Variants in CHN1 observed in about 807,000 individuals in gnomAD.
The protein encoded by CHN1 is N-chimaerin.
CHN1 carries 37 observed loss-of-function variants against 59.5 expected under a neutral mutation model. That is an observed-to-expected ratio of 0.62 (90% CI 0.48 to 0.82). The LOEUF is 0.82. Ranked by LOEUF, CHN1 falls within the 40% of genes least tolerant of loss-of-function variation. The probability of loss-of-function intolerance (pLI) is 0.00; values close to 1 mark genes in which losing one functional copy is unlikely to be tolerated. For missense variants in CHN1, 469 were observed against 571.0 expected (o/e 0.82, Z 1.82); for synonymous variants, 206 against 200.4 (o/e 1.03, Z -0.24).
intron 5 of CHN1, among the ~76,000 whole-genome samples, chr2:174,888,743 TG>T (rs1195246030): frequency 6.6e-6 from 1 of 152,032 alleles, no homozygotes; most frequent in African/African-American, 2.4e-5. Context: ...GGGAGAGCAG[TG>T]GGGAGAAGAG....
At chr2:174,865,087 A>G (rs986058217) in intron 6 of CHN1, among the ~76,000 whole-genome samples, 4 of 152,192 alleles carry the variant, frequency 2.6e-5, no homozygotes, top group Non-Finnish European at 5.9e-5. Context: ...CACTTTAAGA[A>G]AGGATATTTT....
At chr2:174,952,882 G>C (rs1690066626) in intron 1 of CHN1, among the ~76,000 whole-genome samples, 1 of 152,166 alleles carries the variant, frequency 6.6e-6, no homozygotes, top group African/African-American at 2.4e-5. Context: ...ATAGGAAGTG[G>C]AAAGAGATGG....
At chr2:174,907,114 G>A (rs1688565799) in intron 5 of CHN1, among the ~76,000 whole-genome samples, 1 of 152,156 alleles carries the variant, frequency 6.6e-6, no homozygotes, top group African/African-American at 2.4e-5. Flanking sequence ...AACACGGGAA[G>A]ACATTAATCA....
chr2:174,824,577 G>T, intron 7 of CHN1, 59 bp from the exon 8 acceptor site: 1 of 1,003,754 alleles, frequency 1.0e-6, no homozygotes, highest in Non-Finnish European at 1.5e-6. Flanking sequence ...TGAGAAGACT[G>T]CTTCATATCA....
Position 174,897,930 on chromosome 2 carries a change from C to T in CHN1, c.260+17128G>A, listed in dbSNP as rs1043595227. Among the ~76,000 whole-genome samples, 6 of 152,242 alleles carry T rather than the reference C, an allele frequency of 3.9e-5. No individual in the cohort carries two copies. The South Asian group carries it at 6.2e-4, about 16-fold the overall frequency. Reference sequence around the variant, plus strand: ...TCTGACAGAAATCTTTTATTTCTGCCGCAGAGACTGCTGACAGCCTCCCAA... The same window carrying T: ...TCTGACAGAAATCTTTTATTTCTGCTGCAGAGACTGCTGACAGCCTCCCAA... On this transcript the variant is annotated intron_variant, in intron 5 of 12. Transcript: ENST00000409900.
rs139450484 is a variant in CHN1 at position 174,933,239 on chromosome 2, A to G, written c.114+11649T>C. Among the ~76,000 whole-genome samples, 4 of 152,328 alleles carry G rather than the reference A, an allele frequency of 2.6e-5. No individual in the cohort carries two copies. The South Asian group carries it at 8.3e-4, about 32-fold the overall frequency. On this transcript the variant is annotated intron_variant, in intron 3 of 12. Coordinates refer to ENST00000409900, the MANE Select transcript of CHN1 (RefSeq NM_001822.7). ...AAGGACTGGACATATAAAGAAATGT[A>G]AGTTACATTAAAACCTGAAACTGGT...
At chr2:174,911,357 T>C (rs1475214299) in intron 5 of CHN1, among the ~76,000 whole-genome samples, 9 of 152,208 alleles carry the variant, frequency 5.9e-5, no homozygotes, top group Non-Finnish European at 7.3e-5. Flanking sequence ...AAAATCAGCA[T>C]ACAGAAAATC....
chr2:174,985,660 AGT>A (rs1691314688), intron 1 of CHN1, among the ~76,000 whole-genome samples: 1 of 152,180 alleles, frequency 6.6e-6, no homozygotes, highest in Non-Finnish European at 1.5e-5. Context: ...TACAGATCCC[AGT>A]GTGTTTTACG....
At position 174,918,558 on chromosome 2, in the gene CHN1, T is replaced by C. The variant is rs1487932448; in HGVS notation, c.122A>G (p.Asn41Ser). ...RRITCTCEVE[N>S]RPKYYGREFH... ...CTCTCTTCCATAATACTTTGGTCTG[T>C]TTTCCACCTATTGGGAAAGCAAAAA... Residue 41 changes from asparagine (N) to serine (S), a missense_variant, in exon 4 of 13, where the codon AAC becomes AGC. Asn to Ser is a conservative substitution (Grantham distance 46, BLOSUM62 1). Around this residue, in one of 5 missense-constraint regions of CHN1, gnomAD observed 152 missense variants for 166.1 expected, o/e 0.92. Transcript: ENST00000409900. 6.3e-7 allele frequency: 1 copy of C among 1,592,000 alleles called. No homozygotes were observed. The highest frequency in any genetic ancestry group is 1.3e-5 in the African/African-American group (1 of 74,450).
chr2:174,972,774 T>C (rs376545309), intron 1 of CHN1, among the ~76,000 whole-genome samples: 2 of 152,162 alleles, frequency 1.3e-5, no homozygotes, highest in African/African-American at 4.8e-5. Flanking sequence ...TACATAACCT[T>C]ATCAGAGAGA....
intron 7 of CHN1, among the ~76,000 whole-genome samples, chr2:174,833,834 C>T (rs1685970550): frequency 6.7e-6 from 1 of 149,250 alleles, no homozygotes; most frequent in Non-Finnish European, 1.5e-5. Flanking sequence ...CTCTGTCACC[C>T]AGGTTGGAGT....
intron 1 of CHN1, among the ~76,000 whole-genome samples, chr2:174,977,539 T>TG (rs1690987216): frequency 1.3e-5 from 2 of 152,234 alleles, no homozygotes; most frequent in Non-Finnish European, 2.9e-5. Context: ...TTGAAGATGA[T>TG]GCAACACCTT....
chr2:174,924,805 T>C (rs750504391), intron 3 of CHN1, among the ~76,000 whole-genome samples: 1 of 152,204 alleles, frequency 6.6e-6, no homozygotes, highest in African/African-American at 2.4e-5. Flanking sequence ...AACATCTTTA[T>C]GCTTACACAA....
intron 1 of CHN1, among the ~76,000 whole-genome samples, chr2:174,996,038 A>AC (rs1691696077): frequency 6.6e-6 from 1 of 151,750 alleles, no homozygotes; most frequent in Admixed American, 6.6e-5. Context: ...GTATAGGAAA[A>AC]AACATAGTAG....
intron 8 of CHN1, among the ~76,000 whole-genome samples, chr2:174,813,501 T>TCC (rs1211886866): frequency 6.6e-6 from 1 of 152,216 alleles, no homozygotes; most frequent in African/African-American, 2.4e-5. Context: ...GGTTATAACT[T>TCC]CTAAGATGCC....
chr2:174,939,211 C>G (rs1689587280), intron 3 of CHN1, among the ~76,000 whole-genome samples: 2 of 152,314 alleles, frequency 1.3e-5, no homozygotes, highest in South Asian at 4.1e-4. Context: ...ATTATTCTAT[C>G]TTGTGTCTTT....
At chr2:174,990,310 C>T (rs1281584521) in intron 1 of CHN1, among the ~76,000 whole-genome samples, 6 of 20,282 alleles carry the variant, frequency 3.0e-4, no homozygotes, top group East Asian at 3.0e-3. Flanking sequence ...AGCAAGAGTG[C>T]GAGGTCGTGG....
intron 5 of CHN1, among the ~76,000 whole-genome samples, chr2:174,896,711 A>C (rs1437288575): frequency 2.0e-5 from 3 of 152,142 alleles, no homozygotes; most frequent in African/African-American, 7.2e-5. Flanking sequence ...TGCAAAGTAA[A>C]TGAGTAAATT....
intron 5 of CHN1, among the ~76,000 whole-genome samples, chr2:174,912,519 A>T (rs2105367978): frequency 6.6e-6 from 1 of 152,354 alleles, no homozygotes; most frequent in East Asian, 1.9e-4. Flanking sequence ...TCAAGGACTT[A>T]TTCCTAATTT....
Sources: allele counts gnomAD v4.1 joint callset (sites outside exome capture counted in the v4.1 genomes callset), GRCh38; gene constraint gnomAD v4.1.1; regional missense constraint gnomAD v4.1.1; transcripts MANE v1.5; gene names NCBI Gene and HGNC (gene_info 2026-07-23, HGNC 2026-07-21).